The following LSAMP variants were observed in gnomAD, a reference collection of about 807,000 sequenced individuals.
LSAMP encodes limbic system-associated membrane protein.
LSAMP carries 7 observed loss-of-function variants against 38.6 expected under a neutral mutation model. The observed-to-expected ratio is 0.18, with a 90% CI of 0.10 to 0.34. The LOEUF (loss-of-function observed/expected upper bound fraction) is 0.34. LSAMP is among the 10% of genes least tolerant of loss of function. LSAMP has a pLI of 1.00. For missense variants in LSAMP, 313 were observed against 420.0 expected, an observed-to-expected ratio of 0.75 and a Z score of 2.23; for synonymous variants, 154 against 166.8, an observed-to-expected ratio of 0.92 and a Z score of 0.59.
intron 3 of LSAMP, among the ~76,000 whole-genome samples, chr3:116,003,945 A>T (rs539329139): frequency 2.6e-5 from 4 of 152,292 alleles, no homozygotes; most frequent in African/African-American, 9.6e-5. Flanking sequence ...GTTTGTGATT[A>T]TTTGTTGTGG....
intron 1 of LSAMP, among the ~76,000 whole-genome samples, chr3:116,368,982 T>G (rs1021912215): frequency 1.3e-5 from 2 of 152,192 alleles, no homozygotes; most frequent in African/African-American, 4.8e-5. Context: ...AGAATGGGTA[T>G]GAGGTAATTT....
intron 1 of LSAMP, among the ~76,000 whole-genome samples, chr3:116,388,046 T>TA (rs938853814): frequency 1.3e-5 from 2 of 151,944 alleles, no homozygotes; most frequent in African/African-American, 4.8e-5. Flanking sequence ...GGAGCTTGTG[T>TA]AAAAATAAAA....
chr3:116,227,633 C>T (rs2046356896), intron 1 of LSAMP, among the ~76,000 whole-genome samples: 1 of 150,916 alleles, frequency 6.6e-6, no homozygotes, highest in Non-Finnish European at 1.5e-5. Flanking sequence ...TATCTCTCCT[C>T]TTATTTTTCC....
intron 3 of LSAMP, among the ~76,000 whole-genome samples, chr3:115,982,300 T>C (rs994096606): frequency 6.6e-6 from 1 of 152,154 alleles, no homozygotes; most frequent in Admixed American, 6.6e-5. Flanking sequence ...TTGCAAGAAA[T>C]GTAGATGGCA....
At chr3:116,047,793 A>C (rs1273867326) in intron 2 of LSAMP, among the ~76,000 whole-genome samples, 1 of 152,220 alleles carries the variant, frequency 6.6e-6, no homozygotes, top group Non-Finnish European at 1.5e-5. Flanking sequence ...TATATGTATC[A>C]TGTACAATGG....
At chr3:116,403,746 CT>C (rs35084969) in intron 1 of LSAMP, among the ~76,000 whole-genome samples, 14,321 of 145,276 alleles carry the variant, frequency 0.099, 739 homozygotes, top group Middle Eastern at 0.14. Flanking sequence ...GGCATAGAAT[CT>C]TTTTTTTTTT....
chr3:116,440,743 A>T (rs1307658565), intron 1 of LSAMP, among the ~76,000 whole-genome samples: 1 of 152,230 alleles, frequency 6.6e-6, no homozygotes, highest in East Asian at 1.9e-4. Flanking sequence ...TTTATCTGCA[A>T]TGCACGATCC....
intron 3 of LSAMP, among the ~76,000 whole-genome samples, chr3:115,909,463 C>G (rs1576208868): frequency 6.6e-6 from 1 of 152,178 alleles, no homozygotes; most frequent in African/African-American, 2.4e-5. Flanking sequence ...TTGGTGTCAT[C>G]ATTCACCTAG....
At chr3:115,888,398 G>A (rs766537362) in intron 3 of LSAMP, among the ~76,000 whole-genome samples, 2 of 151,690 alleles carry the variant, frequency 1.3e-5, no homozygotes, top group Non-Finnish European at 2.9e-5. Flanking sequence ...GATTTACTTG[G>A]AATATTGTTG....
At chr3:116,281,585 A>T (rs1303096960) in intron 1 of LSAMP, among the ~76,000 whole-genome samples, 1 of 152,236 alleles carries the variant, frequency 6.6e-6, no homozygotes, top group Admixed American at 6.5e-5. Flanking sequence ...ACTAAGCATG[A>T]CTATGAAAGC....
chr3:116,144,638 G>A (rs1203749786), intron 1 of LSAMP, among the ~76,000 whole-genome samples: 1 of 127,606 alleles, frequency 7.8e-6, no homozygotes, highest in Non-Finnish European at 1.7e-5. Context: ...GTTTATATTT[G>A]TCAGTGTTTT....
chr3:115,891,990 G>A (rs116803467), intron 3 of LSAMP, among the ~76,000 whole-genome samples: 2,245 of 152,052 alleles, frequency 0.015, 53 homozygotes, highest in African/African-American at 0.051. Flanking sequence ...ACTTCTCACT[G>A]TACTATATCA....
intron 3 of LSAMP, among the ~76,000 whole-genome samples, chr3:115,901,051 G>T (rs79972944): frequency 0.028 from 4,273 of 152,124 alleles, 238 homozygotes; most frequent in African/African-American, 0.096. Context: ...TTAGTAGTGA[G>T]TAGCAGGCTC....
In LSAMP at chr3:115,831,616, C is replaced by T. The variant is rs116458474; in HGVS notation, c.919+10229G>A. On this transcript the variant is annotated intron_variant, in intron 6 of 6. Coordinates refer to ENST00000490035, the MANE Select transcript of LSAMP (RefSeq NM_002338.5). ...AAACCTCAGGAAACAATGTCAACCT[C>T]ACAAAGTGAGAAAAGTTCCCCCAGA... Among the ~76,000 whole-genome samples the T allele has an allele frequency of 3.2e-3, 480 of 152,276 alleles. 1 individual carries two copies. The highest frequency in any genetic ancestry group is 0.01 in the African/African-American group (429 of 41,556).
At chr3:115,927,773 C>T (rs572691979) in intron 3 of LSAMP, among the ~76,000 whole-genome samples, 48 of 152,250 alleles carry the variant, frequency 3.2e-4, no homozygotes, top group African/African-American at 9.4e-4. Context: ...CTGGCCCCTT[C>T]GTCCCCTCCA....
intron 3 of LSAMP, among the ~76,000 whole-genome samples, chr3:115,983,984 T>G: frequency 6.6e-6 from 1 of 152,062 alleles, no homozygotes; most frequent in East Asian, 1.9e-4. Context: ...GACAGCACTA[T>G]GGGAAATAAA....
intron 4 of LSAMP, among the ~76,000 whole-genome samples, chr3:115,851,205 C>T (rs1935320784): frequency 6.6e-6 from 1 of 152,116 alleles, no homozygotes; most frequent in Non-Finnish European, 1.5e-5. Context: ...AACTCCTGAC[C>T]TCAGGTGATC....
chr3:116,083,607 A>G (rs1707918479), intron 2 of LSAMP, among the ~76,000 whole-genome samples: 1 of 152,330 alleles, frequency 6.6e-6, no homozygotes, highest in South Asian at 2.1e-4. Flanking sequence ...AAAGGAATAC[A>G]GTATTTACAT....
chr3:115,942,436 C>A lies in LSAMP; in HGVS notation c.514+77079G>T, dbSNP rs1332772431. ...CAGACTGTGATGACTGGGTCAGTTT[C>A]TCCTCTCTAAGCTGATAATTATCTC... On this transcript the variant is annotated intron_variant, in intron 3 of 6. Transcript: ENST00000490035. Among the ~76,000 whole-genome samples, 15 of 152,264 alleles carry A rather than the reference C, an allele frequency of 9.9e-5. No homozygotes were observed. The East Asian group carries it at 2.9e-3, about 29-fold the overall frequency.
Sources: gnomAD v4.1 joint callset for allele counts (sites outside exome capture counted in the v4.1 genomes callset) on GRCh38, gnomAD v4.1.1 for gene constraint, MANE v1.5 for transcripts, NCBI Gene and HGNC (gene_info 2026-07-23, HGNC 2026-07-21) for gene names.